KCNQ5: variants seen among roughly 807,000 people sequenced by gnomAD.
KCNQ5 encodes potassium voltage-gated channel subfamily Q member 5.
A neutral mutation model predicts 98.2 loss-of-function variants in KCNQ5; 30 were observed. That is an observed-to-expected ratio of 0.31 (90% CI 0.23 to 0.41). KCNQ5 has a LOEUF of 0.41. KCNQ5 is among the 10% of genes least tolerant of loss of function. The pLI, the probability that KCNQ5 is intolerant of heterozygous loss-of-function variation, is 1.00. For missense variants in KCNQ5, 835 were observed against 1,182.5 expected (o/e 0.71, Z 4.31); for synonymous variants, 458 against 449.4 (o/e 1.02, Z -0.24).
At chr6:72,712,306 A>G (rs1175564133) in intron 1 of KCNQ5, among the ~76,000 whole-genome samples, 2 of 152,154 alleles carry the variant, frequency 1.3e-5, no homozygotes, top group Non-Finnish European at 2.9e-5. Context: ...AGAAATTCAT[A>G]GAGTCCAAGG....
intron 1 of KCNQ5, among the ~76,000 whole-genome samples, chr6:72,653,479 A>G (rs1765980936): frequency 6.6e-6 from 1 of 152,024 alleles, no homozygotes; most frequent in East Asian, 1.9e-4. Flanking sequence ...GCCTTTTAAA[A>G]TTCTTACTAT....
At chr6:73,104,329 CAA>C (rs1774916873) in intron 5 of KCNQ5, among the ~76,000 whole-genome samples, 1 of 152,064 alleles carries the variant, frequency 6.6e-6, no homozygotes, top group South Asian at 2.1e-4. Context: ...AAAAAGAAAT[CAA>C]GAGAGCAATC....
At chr6:72,970,572 G>T (rs1582111839) in intron 1 of KCNQ5, among the ~76,000 whole-genome samples, 1 of 152,262 alleles carries the variant, frequency 6.6e-6, no homozygotes, top group African/African-American at 2.4e-5. Context: ...AAAGCTGGAG[G>T]CATCACGCTA....
intron 1 of KCNQ5, among the ~76,000 whole-genome samples, chr6:72,831,741 TA>T (rs904933291): frequency 2.2e-4 from 20 of 90,052 alleles, no homozygotes; most frequent in Non-Finnish European, 5.0e-4. Context: ...AAAAAAAAAA[TA>T]AAATAAAATT....
intron 1 of KCNQ5, among the ~76,000 whole-genome samples, chr6:72,895,820 C>T (rs1209741316): frequency 6.6e-6 from 1 of 151,774 alleles, no homozygotes; most frequent in Non-Finnish European, 1.5e-5. Flanking sequence ...AGGCTTTTCT[C>T]TTACATCCAA....
intron 10 of KCNQ5, among the ~76,000 whole-genome samples, chr6:73,148,699 A>G (rs933985414): frequency 6.6e-6 from 1 of 152,216 alleles, no homozygotes; most frequent in Non-Finnish European, 1.5e-5. Flanking sequence ...CACTGAGAAT[A>G]TAGTTTTCTG....
At chr6:73,125,747 G>C (rs532027391) in intron 9 of KCNQ5, among the ~76,000 whole-genome samples, 2 of 152,090 alleles carry the variant, frequency 1.3e-5, no homozygotes, top group South Asian at 4.1e-4. Context: ...AGATAGGCAC[G>C]ATAGGATATA....
chr6:72,907,356 AT>A (rs1234110406), intron 1 of KCNQ5, among the ~76,000 whole-genome samples: 1 of 152,074 alleles, frequency 6.6e-6, no homozygotes, highest in Admixed American at 6.5e-5. Context: ...CTTCAAATTG[AT>A]TTTCTATAAC....
chr6:72,838,811 G>A lies in KCNQ5; in HGVS notation c.399-165097G>A, dbSNP rs1026452184. 1.5e-4 allele frequency among the ~76,000 whole-genome samples: 22 copies of A among 150,944 alleles called. No homozygotes were observed. The South Asian group carries it at 4.0e-3, about 28-fold the overall frequency. ...TAAAAATACAAAAAATTAGCCGGGC[G>A]TGGTAGCGGGCGCCTGTAGTCCCAG... On this transcript the variant is annotated intron_variant, in intron 1 of 13. Transcript: ENST00000370398.
At chr6:72,727,647 T>C (rs1770353985) in intron 1 of KCNQ5, among the ~76,000 whole-genome samples, 1 of 152,166 alleles carries the variant, frequency 6.6e-6, no homozygotes, top group African/African-American at 2.4e-5. Flanking sequence ...TGGATTGGTG[T>C]GTTAGTTAGC....
intron 1 of KCNQ5, among the ~76,000 whole-genome samples, chr6:72,882,283 T>C (rs1280976322): frequency 6.6e-6 from 1 of 152,266 alleles, no homozygotes; most frequent in East Asian, 1.9e-4. Flanking sequence ...CAGATATATT[T>C]AATCTCTGAA....
chr6:72,674,739 C>T (rs902514065), intron 1 of KCNQ5, among the ~76,000 whole-genome samples: 1 of 152,094 alleles, frequency 6.6e-6, no homozygotes, highest in East Asian at 1.9e-4. Context: ...CACTGCATTC[C>T]AGCCTGAGTG....
chr6:73,046,443 A>G (rs1771958710), intron 3 of KCNQ5, among the ~76,000 whole-genome samples: 1 of 152,178 alleles, frequency 6.6e-6, no homozygotes, highest in Non-Finnish European at 1.5e-5. Flanking sequence ...ATCACAAAAC[A>G]TTAAAACAAT....
At chr6:72,681,674 G>A (rs184702801) in intron 1 of KCNQ5, among the ~76,000 whole-genome samples, 43 of 152,186 alleles carry the variant, frequency 2.8e-4, no homozygotes, top group Admixed American at 2.0e-3. Context: ...CTTTTGTTCC[G>A]GATCTTGCGC....
intron 1 of KCNQ5, among the ~76,000 whole-genome samples, chr6:72,698,061 A>G (rs1466231603): frequency 2.0e-5 from 3 of 152,182 alleles, no homozygotes; most frequent in African/African-American, 4.8e-5. Flanking sequence ...ACAAAAATAA[A>G]CAAATAAATA....
In KCNQ5 at chr6:73,187,932, C is replaced by T. The variant is rs187232748; in HGVS notation, c.1578-2641C>T. Among the ~76,000 whole-genome samples the T allele has an allele frequency of 9.2e-5, 14 of 152,234 alleles. No individual in the cohort carries two copies. The East Asian group carries it at 2.5e-3, about 27-fold the overall frequency. On this transcript the variant is annotated intron_variant, in intron 11 of 13. Coordinates refer to ENST00000370398, the MANE Select transcript of KCNQ5 (RefSeq NM_019842.4). Reference sequence around the variant, plus strand: ...ATCTGAAAGAGCTCACATAACATCCCACCAAGAAAAAATGGCAGATCCCCA... The same window carrying T: ...ATCTGAAAGAGCTCACATAACATCCTACCAAGAAAAAATGGCAGATCCCCA...
chr6:73,170,457 C>G (rs992472951), intron 11 of KCNQ5, among the ~76,000 whole-genome samples: 5 of 148,068 alleles, frequency 3.4e-5, no homozygotes, highest in African/African-American at 1.3e-4. Context: ...CACACACACA[C>G]ACACGCAATC....
At chr6:72,693,542 G>GA (rs951851014) in intron 1 of KCNQ5, among the ~76,000 whole-genome samples, 4 of 151,714 alleles carry the variant, frequency 2.6e-5, no homozygotes, top group Non-Finnish European at 5.9e-5. Context: ...TTCTCTGGAG[G>GA]AAAAAAAGGG....
intron 3 of KCNQ5, among the ~76,000 whole-genome samples, chr6:73,070,415 C>T (rs559037749): frequency 1.5e-4 from 23 of 151,596 alleles, no homozygotes; most frequent in Non-Finnish European, 2.9e-4. Context: ...ACAAAAATTC[C>T]GTTAAAACTA....
Sources: gnomAD v4.1 joint callset for allele counts (sites outside exome capture counted in the v4.1 genomes callset) on GRCh38, gnomAD v4.1.1 for gene constraint, MANE v1.5 for transcripts, NCBI Gene and HGNC (gene_info 2026-07-23, HGNC 2026-07-21) for gene names.